The following RIMBP2 variants were observed in gnomAD, a reference collection of about 807,000 sequenced individuals.
RIMBP2 encodes the protein RIMS binding protein 2.
A neutral mutation model predicts 118.6 loss-of-function variants in RIMBP2; 48 were observed. That is an observed-to-expected ratio of 0.40 (90% CI 0.32 to 0.51). The LOEUF (loss-of-function observed/expected upper bound fraction) is 0.51, where lower values mean the gene tolerates loss of function less well. Ranked by LOEUF, RIMBP2 falls within the 20% of genes least tolerant of loss-of-function variation. The pLI, the probability that RIMBP2 is intolerant of heterozygous loss-of-function variation, is 0.41. For synonymous variants in RIMBP2, 762 were observed against 742.9 expected, an observed-to-expected ratio of 1.03 and a Z score of -0.42; for missense variants, 1,551 against 1,768.3, an observed-to-expected ratio of 0.88 and a Z score of 2.20.
intron 21 of RIMBP2, among the ~76,000 whole-genome samples, chr12:130,403,052 T>G (rs1333551335): frequency 6.6e-6 from 1 of 152,120 alleles, no homozygotes; most frequent in Admixed American, 6.5e-5. Context: ...TTTACTGATA[T>G]GGGATATAGC....
intron 17 of RIMBP2, among the ~76,000 whole-genome samples, chr12:130,416,935 G>C (rs1348949299): frequency 6.6e-6 from 1 of 151,472 alleles, no homozygotes; most frequent in Non-Finnish European, 1.5e-5. Flanking sequence ...CATACAAGCA[G>C]ATAATAAAAT....
At chr12:130,575,372 T>C (rs1056491887) in intron 2 of RIMBP2, among the ~76,000 whole-genome samples, 2 of 151,836 alleles carry the variant, frequency 1.3e-5, no homozygotes, top group African/African-American at 4.8e-5. Flanking sequence ...TGTTTGCTGC[T>C]ATGGTGTGAG....
Position 130,399,760 on chromosome 12 carries a change from C to A in RIMBP2, c.3819G>T (p.Val1273=), listed in dbSNP as rs764073414. The A allele has an allele frequency of 6.2e-7, 1 of 1,614,100 alleles. No individual in the cohort carries two copies. Among genetic ancestry groups the A allele is most frequent in the Non-Finnish European group, 8.5e-7 (1 of 1,179,958 alleles). ...GLVPSNFLEE[V]PDDVEVYLSD... is the part of the protein sequence containing the mutation. Reference sequence around the variant, plus strand: ...AAAGATAGACTTCTACGTCATCAGGCACTTCTTCCAAGAAGTTTGAGGGCA... The same window carrying A: ...AAAGATAGACTTCTACGTCATCAGGAACTTCTTCCAAGAAGTTTGAGGGCA... Residue 1273 remains valine, a synonymous_variant, in exon 22 of 23, where the codon GTG becomes GTT. Coordinates refer to ENST00000690449, the MANE Select transcript of RIMBP2 (RefSeq NM_001393629.1).
intron 5 of RIMBP2, among the ~76,000 whole-genome samples, chr12:130,476,985 C>T (rs111763462): frequency 2.0e-4 from 31 of 152,300 alleles, no homozygotes; most frequent in African/African-American, 6.7e-4. Context: ...AAAGAAGTCC[C>T]GGATCTCATT....
chr12:130,613,805 C>A lies in RIMBP2; in HGVS notation c.-217+14517G>T, dbSNP rs1165162747. Reference sequence around the variant, plus strand: ...CTCCAGCCTGGGTGACAGAGCAAGACTCTGTCTCAAAAAAAAAAAAAAAAA... The same window carrying A: ...CTCCAGCCTGGGTGACAGAGCAAGAATCTGTCTCAAAAAAAAAAAAAAAAA... On this transcript the variant is annotated intron_variant, in intron 2 of 22. Coordinates refer to ENST00000690449, the MANE Select transcript of RIMBP2 (RefSeq NM_001393629.1). Among the ~76,000 whole-genome samples, 6 of 112,102 alleles carry A rather than the reference C, an allele frequency of 5.4e-5. No individual in the cohort carries two copies. In the Admixed American group the frequency reaches 5.5e-4, roughly 10 times the overall value. 73.5% of individuals were successfully genotyped at this position (112,102 alleles called of 152,430 possible).
chr12:130,580,953 T>TTGTG (rs967999522), intron 2 of RIMBP2, among the ~76,000 whole-genome samples: 1 of 129,968 alleles, frequency 7.7e-6, no homozygotes, highest in African/African-American at 2.7e-5. Flanking sequence ...GTGTGTTTGT[T>TTGTG]TGTGTGTGTG....
chr12:130,441,792 G>A, intron 11 of RIMBP2, 56 bp downstream of exon 11: 1 of 1,491,814 alleles, frequency 6.7e-7, no homozygotes, highest in Non-Finnish European at 9.2e-7. Flanking sequence ...CCCACTAGCA[G>A]GGTGACATCC....
intron 10 of RIMBP2, among the ~76,000 whole-genome samples, chr12:130,444,844 C>T (rs1319848148): frequency 6.6e-6 from 1 of 152,236 alleles, no homozygotes; most frequent in African/African-American, 2.4e-5. Context: ...AGGAGAGACA[C>T]TTTTGGAAGC....
intron 17 of RIMBP2, among the ~76,000 whole-genome samples, chr12:130,416,284 G>T (rs1354043730): frequency 6.6e-6 from 1 of 152,102 alleles, no homozygotes; most frequent in African/African-American, 2.4e-5. Flanking sequence ...TTAAGCAAAA[G>T]GAACAAATCC....
intron 2 of RIMBP2, among the ~76,000 whole-genome samples, chr12:130,530,480 C>A (rs1593669344): frequency 1.6e-5 from 2 of 121,476 alleles, no homozygotes; most frequent in Non-Finnish European, 3.5e-5. Context: ...CTAAGAATAA[C>A]AATTTTTAAA....
rs1475008493 is a variant in RIMBP2, at chr12:130,420,173, C to A, written c.3238+2280G>T. On this transcript the variant is annotated intron_variant, in intron 17 of 22. Transcript: ENST00000690449. The surrounding 1 kb of genome is among the most constrained non-coding windows in gnomAD (Gnocchi z 4.3). ...ATGTTCATTTCCCAAAGCTCTTTGC[C>A]GAGTCCTCCTCCTCCTCAGGTGGGT... Among the ~76,000 whole-genome samples, 1 of 152,152 alleles carries A rather than the reference C, an allele frequency of 6.6e-6. No homozygotes were observed. Among genetic ancestry groups the A allele is most frequent in the Admixed American group, 6.5e-5 (1 of 15,274 alleles).
chr12:130,554,240 C>T (rs1344673045), intron 2 of RIMBP2, among the ~76,000 whole-genome samples: 2 of 152,200 alleles, frequency 1.3e-5, no homozygotes, highest in Non-Finnish European at 2.9e-5. Context: ...CTTCTCTGAG[C>T]TTCAGTTTCC....
At chr12:130,436,379 G>C (rs932199038) in intron 13 of RIMBP2, among the ~76,000 whole-genome samples, 1 of 152,196 alleles carries the variant, frequency 6.6e-6, no homozygotes, top group Non-Finnish European at 1.5e-5. Flanking sequence ...ACAGATACGT[G>C]TATCTATGGG....
chr12:130,467,628 C>T (rs1358890808), intron 6 of RIMBP2, among the ~76,000 whole-genome samples: 1 of 152,222 alleles, frequency 6.6e-6, no homozygotes, highest in African/African-American at 2.4e-5. Flanking sequence ...TCTATTGCAA[C>T]ATCCCTGTCT....
At chr12:130,628,182 C>T (rs886735619) in intron 2 of RIMBP2, 140 bp downstream of exon 2, 27 of 152,252 alleles carry the variant, frequency 1.8e-4, no homozygotes, top group African/African-American at 6.3e-4. Context: ...CTGTTTACTA[C>T]TTAGTCCTCT....
chr12:130,538,596 A>T (rs1042440434), intron 2 of RIMBP2, among the ~76,000 whole-genome samples: 3 of 152,114 alleles, frequency 2.0e-5, no homozygotes, highest in African/African-American at 4.8e-5. Context: ...TGCATGCCAG[A>T]GTCTGCACAC....
At chr12:130,596,251 A>G (rs1018779753) in intron 2 of RIMBP2, among the ~76,000 whole-genome samples, 4 of 152,198 alleles carry the variant, frequency 2.6e-5, no homozygotes, top group African/African-American at 7.2e-5. Flanking sequence ...TCAGGAAGCC[A>G]TGGGTGATAA....
intron 2 of RIMBP2, among the ~76,000 whole-genome samples, chr12:130,556,467 G>A (rs1403804857): frequency 2.0e-5 from 3 of 152,238 alleles, no homozygotes; most frequent in Non-Finnish European, 2.9e-5. Flanking sequence ...CTCCAGCTGG[G>A]ATTCTGAAAA....
In RIMBP2 at chr12:130,461,039, G is replaced by A. The variant is rs571409894; in HGVS notation, c.154-4339C>T. On this transcript the variant is annotated intron_variant, in intron 6 of 22. Coordinates refer to ENST00000690449, the MANE Select transcript of RIMBP2 (RefSeq NM_001393629.1). Reference sequence around the variant, plus strand: ...CAAGGGGCCACCAGATAGGGCCAGTGGTTCGCCATCCACAAGGGACCCATC... The same window carrying A: ...CAAGGGGCCACCAGATAGGGCCAGTAGTTCGCCATCCACAAGGGACCCATC... Among the ~76,000 whole-genome samples, 9 of 152,304 alleles carry A rather than the reference G, an allele frequency of 5.9e-5. No homozygotes were observed. The South Asian group carries it at 1.9e-3, about 32-fold the overall frequency.
Sources: gnomAD v4.1 joint callset for allele counts (sites outside exome capture counted in the v4.1 genomes callset) on GRCh38, gnomAD v4.1.1 for gene constraint, Gnocchi (gnomAD v3.1) non-coding constraint, MANE v1.5 for transcripts, NCBI Gene and HGNC (gene_info 2026-07-23, HGNC 2026-07-21) for gene names.